Variants in RNF157 observed in about 807,000 individuals in gnomAD.
The protein encoded by RNF157 is E3 ubiquitin ligase RNF157.
A neutral mutation model predicts 88.3 loss-of-function variants in RNF157; 55 were observed. The observed-to-expected ratio is 0.62, with a 90% confidence interval of 0.50 to 0.78. The LOEUF (loss-of-function observed/expected upper bound fraction) is 0.78. Ranked by LOEUF, RNF157 falls within the 30% of genes least tolerant of loss-of-function variation. The probability of loss-of-function intolerance (pLI) is 0.00; values close to 1 mark genes in which losing one functional copy is unlikely to be tolerated. For synonymous variants in RNF157, 334 were observed against 341.2 expected, an observed-to-expected ratio of 0.98 and a Z score of 0.23; for missense variants, 788 against 860.8, an observed-to-expected ratio of 0.92 and a Z score of 1.06.
chr17:76,224,247 C>T (rs747284780), intron 1 of RNF157, among the ~76,000 whole-genome samples: 1 of 152,108 alleles, frequency 6.6e-6, no homozygotes, highest in Non-Finnish European at 1.5e-5. Context: ...GTTTTTGGGA[C>T]ATATTCCTAA....
chr17:76,226,926 C>T (rs1052258036), intron 1 of RNF157: 33 of 763,664 alleles, frequency 4.3e-5, no homozygotes, highest in Middle Eastern at 3.9e-4. Context: ...TGGGGGGTGC[C>T]GCTGCAGAGC....
rs1363017083 is a variant in RNF157 at position 76,143,128 on chromosome 17, G to A, written c.*2107C>T. 1 of 152,382 alleles carries A rather than the reference G, an allele frequency of 6.6e-6. No individual in the cohort carries two copies. Among genetic ancestry groups the A allele is most frequent in the East Asian group, 1.9e-4 (1 of 5,202 alleles). The allele number at this position is 152,382 out of a possible 1,614,324, so 9.4% of individuals were successfully genotyped here. On this transcript the variant is annotated 3_prime_UTR_variant, in exon 19 of 19. Coordinates refer to ENST00000269391, the MANE Select transcript of RNF157 (RefSeq NM_052916.3). The stretch of plus-strand genomic sequence containing the variant: ...GAGAAGGCAGGGGGAGGGAGGAAGA[G>A]GAGAAATAGTAACTGAGAAACAAGT...
At chr17:76,154,770 A>C (rs1465365960) in intron 16 of RNF157, 3 of 230,496 alleles carry the variant, frequency 1.3e-5, no homozygotes, top group African/African-American at 6.9e-5. Flanking sequence ...GGCGTTCCAC[A>C]GCACACCATG....
chr17:76,209,523 C>T (rs1411252817), intron 2 of RNF157, among the ~76,000 whole-genome samples: 1 of 151,098 alleles, frequency 6.6e-6, no homozygotes, highest in Non-Finnish European at 1.5e-5. Context: ...ATCGTTACTG[C>T]TAGTGTATTC....
Position 76,158,465 on chromosome 17 carries a change from C to T in RNF157, c.1341G>A (p.Glu447=), listed in dbSNP as rs1030285702. The change falls in exon 13 of 19, where the codon GAG becomes GAA. Residue 447 remains glutamate, a synonymous_variant. Coordinates refer to ENST00000269391, the MANE Select transcript of RNF157 (RefSeq NM_052916.3). The part of the protein sequence containing the change: ...TSQNSSVLHE[E]EDEHSCSESE... ...ACTCGCTGCAGGAATGCTCATCTTC[C>T]TCTTCATGCAGCACGGAAGAGTTTT... is the stretch of plus-strand genomic sequence containing the variant. The T allele has an allele frequency of 1.9e-6, 3 of 1,613,842 alleles. No individual in the cohort carries two copies. Among genetic ancestry groups the T allele is most frequent in the Non-Finnish European group, 2.5e-6 (3 of 1,179,880 alleles).
chr17:76,181,537 G>A (rs975329015), intron 2 of RNF157, among the ~76,000 whole-genome samples: 2 of 152,134 alleles, frequency 1.3e-5, no homozygotes, highest in African/African-American at 4.8e-5. Flanking sequence ...GTCAGTCAGC[G>A]TTTACCTTCC....
intron 2 of RNF157, among the ~76,000 whole-genome samples, chr17:76,185,164 T>C (rs150859932): frequency 0.013 from 1,915 of 152,254 alleles, 15 homozygotes; most frequent in Middle Eastern, 0.02. Flanking sequence ...CACTCTGTCA[T>C]TAAACACACC....
rs1271565999 is a variant in RNF157, at chr17:76,229,943, T to C, written c.88+10210A>G. Among the ~76,000 whole-genome samples, 3 of 152,236 alleles carry C rather than the reference T, an allele frequency of 2.0e-5. No homozygotes were observed. In the East Asian group the frequency reaches 5.8e-4, roughly 29 times the overall value. ...AAGAGTCAGTAAAACTTTAAAGTAC[T>C]GTTTAGGGTAACCATGCTTATGACT... On this transcript the variant is annotated intron_variant, in intron 1 of 18. Coordinates refer to ENST00000269391, the MANE Select transcript of RNF157 (RefSeq NM_052916.3).
intron 2 of RNF157, among the ~76,000 whole-genome samples, chr17:76,208,536 C>A (rs550300358): frequency 6.6e-6 from 1 of 152,218 alleles, no homozygotes; most frequent in Non-Finnish European, 1.5e-5. Context: ...ACTAGGTGTT[C>A]AAATGTTAGC....
At chr17:76,178,418 T>G (rs547832952) in intron 2 of RNF157, among the ~76,000 whole-genome samples, 2 of 152,382 alleles carry the variant, frequency 1.3e-5, no homozygotes, top group East Asian at 3.9e-4. Context: ...CGTGTCTGAC[T>G]GCACAGTGGC....
rs1418678692 is a variant in RNF157 at position 76,192,871 on chromosome 17, C to T, written c.208-19081G>A. On this transcript the variant is annotated intron_variant, in intron 2 of 18. Coordinates refer to ENST00000269391, the MANE Select transcript of RNF157 (RefSeq NM_052916.3). ...TTTTTTTTTTTTTTGAGACAGCATCCGCTCTCTTGCACAGGGTGACTGCGA... is the reference window on the plus strand; with the variant it reads ...TTTTTTTTTTTTTTGAGACAGCATCTGCTCTCTTGCACAGGGTGACTGCGA... Among the ~76,000 whole-genome samples, 9 of 149,888 alleles carry T rather than the reference C, an allele frequency of 6.0e-5. 1 individual carries two copies. Among genetic ancestry groups the T allele is most frequent in the South Asian group, 2.1e-4 (1 of 4,718 alleles).
intron 4 of RNF157, 118 bp downstream of exon 4, chr17:76,167,533 T>C (rs1480937635): frequency 1.1e-5 from 16 of 1,436,072 alleles, no homozygotes; most frequent in Non-Finnish European, 1.4e-5. Context: ...TCTCCCTATC[T>C]GGGAAGGAAG....
intron 2 of RNF157, among the ~76,000 whole-genome samples, chr17:76,185,229 C>A (rs1650888292): frequency 1.3e-5 from 2 of 152,246 alleles, no homozygotes; most frequent in South Asian, 2.1e-4. Flanking sequence ...ACTTCCAGGC[C>A]CCCCCAGATA....
At position 76,203,806 on chromosome 17, in the gene RNF157, C is replaced by T. The variant is rs566938128; in HGVS notation, c.207+8558G>A. Among the ~76,000 whole-genome samples the T allele has an allele frequency of 5.7e-4, 80 of 140,642 alleles. 1 individual carries two copies. The highest frequency in any genetic ancestry group is 1.4e-3 in the African/African-American group (50 of 35,982). The allele number at this position is 140,642 out of a possible 152,430, so 92.3% of individuals were successfully genotyped here. A position where few individuals can be genotyped will look rare whatever the true frequency, so the allele number is the denominator to read the frequency against. On this transcript the variant is annotated intron_variant, in intron 2 of 18. Coordinates refer to ENST00000269391, the MANE Select transcript of RNF157 (RefSeq NM_052916.3). Reference sequence around the variant, plus strand: ...TTTTTGGGACGGAGTCTCGCTCTGTCGCCCAGGCTGGAGTGCAGTGGCACG... The same window carrying T: ...TTTTTGGGACGGAGTCTCGCTCTGTTGCCCAGGCTGGAGTGCAGTGGCACG...
chr17:76,161,971 GCACTGTTAT>G lies in RNF157; in HGVS notation c.815_823del (p.Asp272_Ser274del). On this transcript the variant is annotated inframe_deletion, in exon 10 of 19. Transcript: ENST00000269391. This position sits in a 1 kb window ranked among gnomAD's most constrained non-coding sequence, Gnocchi z 4.6. ...ATCCGAGAGACACACCACACACTCG[GCACTGTTAT>G]CACTCACTTCGTCTTCAGCCACCTG... The G allele has an allele frequency of 6.2e-7, 1 of 1,614,150 alleles. No homozygotes were observed. The highest frequency in any genetic ancestry group is 8.5e-7 in the Non-Finnish European group (1 of 1,180,012).
At chr17:76,194,143 C>T (rs1398650268) in intron 2 of RNF157, among the ~76,000 whole-genome samples, 1 of 152,156 alleles carries the variant, frequency 6.6e-6, no homozygotes, top group Non-Finnish European at 1.5e-5. Flanking sequence ...TTGACAAACA[C>T]ACACAACAGT....
At position 76,155,731 on chromosome 17, in the gene RNF157, G is replaced by A; in HGVS notation, c.1529C>T (p.Pro510Leu). 1 of 1,563,166 alleles carries A rather than the reference G, an allele frequency of 6.4e-7. No homozygotes were observed. Among genetic ancestry groups the A allele is most frequent in the Non-Finnish European group, 8.7e-7 (1 of 1,154,508 alleles). The change falls in exon 15 of 19, where the codon CCT (proline) becomes CTT (leucine). Residue 510 changes from proline (P) to leucine (L), a missense_variant. By Grantham distance (98) the Pro-to-Leu change is moderately conservative (BLOSUM62 -3). Coordinates refer to ENST00000269391, the MANE Select transcript of RNF157 (RefSeq NM_052916.3). ...AGACTGGGCCAAGCTGCTGCTGGCA[G>A]GGCCTTTGGAGACAGGGGATGGGGA... ...LSSTISSPEGPASSSLAQSVM... is the reference protein window; with the variant it reads ...LSSTISSPEGLASSSLAQSVM...
rs555698722 is a variant in RNF157, at chr17:76,166,622, T to G, written c.562-95A>C. 26 of 1,024,260 alleles carry G rather than the reference T, an allele frequency of 2.5e-5. 1 individual carries two copies. The African/African-American group carries it at 3.8e-4, about 15-fold the overall frequency. 63.4% of individuals were successfully genotyped at this position (1,024,260 alleles called of 1,614,324 possible). A position where few individuals can be genotyped will look rare whatever the true frequency, so the allele number is the denominator to read the frequency against. On this transcript the variant is annotated intron_variant, in intron 5 of 18. Coordinates refer to ENST00000269391, the MANE Select transcript of RNF157 (RefSeq NM_052916.3). ...GAAAGGGCGATACTGTCAAGAAGCA[T>G]TAATCTCATCTCTGCTCCTCATTCT...
At chr17:76,180,706 T>C (rs2069175357) in intron 2 of RNF157, among the ~76,000 whole-genome samples, 1 of 152,204 alleles carries the variant, frequency 6.6e-6, no homozygotes, top group Admixed American at 6.5e-5. Flanking sequence ...ATTAGAGGTG[T>C]AAGCCACCAC....
Sources: allele counts gnomAD v4.1 joint callset (sites outside exome capture counted in the v4.1 genomes callset), GRCh38; gene constraint gnomAD v4.1.1; non-coding constraint Gnocchi (gnomAD v3.1); transcripts MANE v1.5; gene names NCBI Gene and HGNC (gene_info 2026-07-23, HGNC 2026-07-21).